CCDC6: variants seen among roughly 807,000 people sequenced by gnomAD.
The protein encoded by CCDC6 is coiled-coil domain containing 6, also known as coiled-coil domain-containing protein 6.
In CCDC6, 20 loss-of-function variants were observed where a neutral mutation model predicts 56.6. The observed-to-expected ratio is 0.35, with a 90% confidence interval of 0.25 to 0.51. The LOEUF (loss-of-function observed/expected upper bound fraction) is 0.51. Among genes scored for constraint, CCDC6 ranks in the 20% least tolerant of loss-of-function variants. The pLI is 0.95. For synonymous variants in CCDC6, 241 were observed against 234.4 expected (o/e 1.03, Z -0.26); for missense variants, 367 against 601.1 (o/e 0.61, Z 4.07).
chr10:59,804,725 A>G (rs1166685507), intron 6 of CCDC6: 1 of 511,436 alleles, frequency 2.0e-6, no homozygotes, highest in Non-Finnish European at 3.5e-6. Context: ...AAGGGTCACC[A>G]GTTGGGAGAC....
chr10:59,887,758 T>C (rs144302403), intron 1 of CCDC6, among the ~76,000 whole-genome samples: 1 of 152,332 alleles, frequency 6.6e-6, no homozygotes, highest in East Asian at 1.9e-4. Context: ...TGGAATTTCC[T>C]AGAAATTTTG....
chr10:59,857,016 T>C (rs2071085567), intron 1 of CCDC6, among the ~76,000 whole-genome samples: 1 of 152,228 alleles, frequency 6.6e-6, no homozygotes, highest in Non-Finnish European at 1.5e-5. Flanking sequence ...CTAGTTGCTA[T>C]ATTTAGAAAT....
chr10:59,895,142 A>G (rs2071452347), intron 1 of CCDC6, among the ~76,000 whole-genome samples: 1 of 152,138 alleles, frequency 6.6e-6, no homozygotes, highest in African/African-American at 2.4e-5. Context: ...TATAAAAAAT[A>G]ATAATAATAG....
At chr10:59,798,991 CAAAAAAAAAAAAAA>C (rs34505959) in intron 7 of CCDC6, among the ~76,000 whole-genome samples, 1 of 76,972 alleles carries the variant, frequency 1.3e-5, no homozygotes, top group African/African-American at 4.4e-5. Flanking sequence ...AAGACTGTTT[CAAAAAAAAAAAAAA>C]AAAAAAAAAA....
intron 3 of CCDC6, among the ~76,000 whole-genome samples, chr10:59,818,326 C>T (rs2070723699): frequency 1.3e-5 from 2 of 152,046 alleles, no homozygotes; most frequent in African/African-American, 2.4e-5. Context: ...CTACTGCCCA[C>T]CTCAGCAAAC....
At chr10:59,812,532 A>T in intron 5 of CCDC6, 103 bp downstream of exon 5, 1 of 754,188 alleles carries the variant, frequency 1.3e-6, no homozygotes, top group Non-Finnish European at 2.0e-6. Flanking sequence ...ATATGAATTT[A>T]ATTACTGCAA....
chr10:59,881,003 T>C (rs1311260089), intron 1 of CCDC6, among the ~76,000 whole-genome samples: 1 of 152,084 alleles, frequency 6.6e-6, no homozygotes, highest in African/African-American at 2.4e-5. Context: ...GAGCAGAGCG[T>C]TGTCTGCCCG....
At chr10:59,830,179 G>A (rs985321426) in intron 3 of CCDC6, among the ~76,000 whole-genome samples, 32 of 152,318 alleles carry the variant, frequency 2.1e-4, no homozygotes, top group Admixed American at 5.9e-4. Flanking sequence ...GTAAAGCAAA[G>A]ACAAAAACTA....
At chr10:59,871,075 T>G (rs2071225113) in intron 1 of CCDC6, among the ~76,000 whole-genome samples, 1 of 152,182 alleles carries the variant, frequency 6.6e-6, no homozygotes, top group Non-Finnish European at 1.5e-5. Flanking sequence ...TGCTAAAGAC[T>G]ATGCACATTA....
At chr10:59,900,957 C>G (rs1202822509) in intron 1 of CCDC6, among the ~76,000 whole-genome samples, 2 of 152,126 alleles carry the variant, frequency 1.3e-5, no homozygotes, top group African/African-American at 2.4e-5. Flanking sequence ...AGTAGGGAGG[C>G]TGAGGCATGA....
chr10:59,797,526 T>C (rs2070531236), intron 7 of CCDC6, among the ~76,000 whole-genome samples: 1 of 130,354 alleles, frequency 7.7e-6, no homozygotes, highest in Non-Finnish European at 1.6e-5. Flanking sequence ...TGTCAAAAGA[T>C]GTATCAACAA....
chr10:59,817,309 T>A (rs1204053635), intron 3 of CCDC6, among the ~76,000 whole-genome samples: 1 of 152,164 alleles, frequency 6.6e-6, no homozygotes, highest in African/African-American at 2.4e-5. Flanking sequence ...GCCTCCCAAG[T>A]GGCTGGGACT....
chr10:59,813,102 T>C (rs2070685993), intron 4 of CCDC6, among the ~76,000 whole-genome samples: 1 of 152,242 alleles, frequency 6.6e-6, no homozygotes, highest in Non-Finnish European at 1.5e-5. Context: ...GAATACAGTA[T>C]GCACTTAGAA....
intron 1 of CCDC6, among the ~76,000 whole-genome samples, chr10:59,881,606 G>A (rs113404589): frequency 0.011 from 1,613 of 152,262 alleles, 9 homozygotes; most frequent in African/African-American, 0.014. Flanking sequence ...AGGAGGCATG[G>A]ATGGCCAGAG....
At chr10:59,856,122 G>T (rs114406000) in intron 1 of CCDC6, among the ~76,000 whole-genome samples, 1 of 152,082 alleles carries the variant, frequency 6.6e-6, no homozygotes, top group Non-Finnish European at 1.5e-5. Context: ...TTAATCACAG[G>T]GCTCCTTTAG....
chr10:59,817,604 A>G (rs2070718524), intron 3 of CCDC6, among the ~76,000 whole-genome samples: 1 of 152,246 alleles, frequency 6.6e-6, no homozygotes, highest in Non-Finnish European at 1.5e-5. Context: ...TCAAGCAGGC[A>G]TCATTTTGCG....
At chr10:59,843,722 A>G (rs1010107528) in intron 2 of CCDC6, among the ~76,000 whole-genome samples, 2 of 152,178 alleles carry the variant, frequency 1.3e-5, no homozygotes, top group African/African-American at 4.8e-5. Context: ...AGAAAATTCC[A>G]TCTCCTTTGG....
At chr10:59,889,360 G>C (rs1564758492) in intron 1 of CCDC6, among the ~76,000 whole-genome samples, 1 of 152,204 alleles carries the variant, frequency 6.6e-6, no homozygotes, top group African/African-American at 2.4e-5. Flanking sequence ...TGGGCTGCAT[G>C]GGATGCTACA....
intron 3 of CCDC6, among the ~76,000 whole-genome samples, chr10:59,829,437 GA>G (rs1244028700): frequency 6.6e-6 from 1 of 152,130 alleles, no homozygotes; most frequent in Admixed American, 6.5e-5. Context: ...TAAGAAAAAT[GA>G]AAACATATGT....
Sources: allele counts gnomAD v4.1 joint callset (sites outside exome capture counted in the v4.1 genomes callset), GRCh38; gene constraint gnomAD v4.1.1; transcripts MANE v1.5; gene names NCBI Gene and HGNC (gene_info 2026-07-23, HGNC 2026-07-21).